Variants in NDC80 observed in about 807,000 individuals in gnomAD.
The protein encoded by NDC80 is kinetochore protein NDC80 homolog.
NDC80 carries 69 observed loss-of-function variants against 89.3 expected under a neutral mutation model. The observed-to-expected ratio is 0.77, with a 90% CI of 0.64 to 0.94. The LOEUF (loss-of-function observed/expected upper bound fraction) is 0.94, where lower values mean the gene tolerates loss of function less well. NDC80 is among the 40% of genes least tolerant of loss of function. NDC80 has a pLI of 0.00. For synonymous variants in NDC80, 243 were observed against 255.6 expected, an observed-to-expected ratio of 0.95 and a Z score of 0.47; for missense variants, 593 against 739.6, an observed-to-expected ratio of 0.80 and a Z score of 2.30.
At position 2,578,269 on chromosome 18, in the gene NDC80, G is replaced by A. The variant is rs965493607; in HGVS notation, c.476+128G>A. On this transcript the variant is annotated intron_variant, in intron 5 of 16. Transcript: ENST00000261597. Reference sequence around the variant, plus strand: ...AAGATGACCACTGTGGGCAATATATGTAGGATAAATTGAAGAGAAAAAAAG... The same window carrying A: ...AAGATGACCACTGTGGGCAATATATATAGGATAAATTGAAGAGAAAAAAAG... The A allele has an allele frequency of 7.0e-6, 6 of 854,284 alleles. No homozygotes were observed. The Admixed American group carries it at 1.1e-4, about 16-fold the overall frequency. 52.9% of individuals were successfully genotyped at this position (854,284 alleles called of 1,614,324 possible).
At chr18:2,577,178 A>G (rs2072550848) in intron 3 of NDC80, 1 of 151,400 alleles carries the variant, frequency 6.6e-6, no homozygotes, top group Non-Finnish European at 1.5e-5. Flanking sequence ...ATCAATCCTC[A>G]GAACTGCCCT....
intron 7 of NDC80, among the ~76,000 whole-genome samples, chr18:2,585,777 G>C (rs1262108099): frequency 6.6e-6 from 1 of 151,988 alleles, no homozygotes; most frequent in Non-Finnish European, 1.5e-5. Flanking sequence ...AAAATGGAAG[G>C]GGATTGGAAT....
chr18:2,600,993 A>G (rs932518738), intron 12 of NDC80, among the ~76,000 whole-genome samples: 1 of 152,236 alleles, frequency 6.6e-6, no homozygotes, highest in African/African-American at 2.4e-5. Context: ...ATACAGGCAG[A>G]GAATCCTAAG....
At chr18:2,611,079 A>G (rs1193104390) in intron 16 of NDC80, among the ~76,000 whole-genome samples, 1 of 117,258 alleles carries the variant, frequency 8.5e-6, no homozygotes, top group Non-Finnish European at 1.7e-5. Context: ...ACGGAGTTTC[A>G]CTCTCATCAC....
chr18:2,598,064 A>G (rs1401699514), intron 11 of NDC80, among the ~76,000 whole-genome samples: 1 of 151,186 alleles, frequency 6.6e-6, no homozygotes, highest in African/African-American at 2.5e-5. Flanking sequence ...GCCAACATTT[A>G]ATGTATAAGT....
At chr18:2,575,138 T>G in intron 3 of NDC80, 72 bp downstream of exon 3, 1 of 1,014,718 alleles carries the variant, frequency 9.9e-7, no homozygotes, top group Non-Finnish European at 1.5e-6. Flanking sequence ...AGAGAACAAA[T>G]ACATTAGATG....
In NDC80 at chr18:2,589,264, T is replaced by C; in HGVS notation, c.824T>C (p.Leu275Ser). Reference protein sequence around the residue: ...LESLEAKNRALNEQIARLEQE... With the variant: ...LESLEAKNRASNEQIARLEQE... ...TCATTAGAAGCAAAAAACAGAGCAT[T>C]GAATGAACAGATTGCAAGATTGGAA... The change falls in exon 9 of 17, where the codon TTG becomes TCG. Residue 275 changes from leucine (L) to serine (S), a missense_variant. Coordinates refer to ENST00000261597, the MANE Select transcript of NDC80 (RefSeq NM_006101.3). 6.2e-7 allele frequency: 1 copy of C among 1,613,880 alleles called. No homozygotes were observed. Among genetic ancestry groups the C allele is most frequent in the South Asian group, 1.1e-5 (1 of 91,070 alleles).
chr18:2,597,601 C>T (rs1380841637), intron 11 of NDC80, among the ~76,000 whole-genome samples: 5 of 151,992 alleles, frequency 3.3e-5, no homozygotes, highest in South Asian at 2.1e-4. Context: ...TGTGGTGGCA[C>T]CTGCCTGTAA....
rs971110006 is a variant in NDC80, at chr18:2,590,431, G to A, written c.1015+269G>A. 2.6e-5 allele frequency among the ~76,000 whole-genome samples: 4 copies of A among 152,276 alleles called. No homozygotes were observed. In the East Asian group the frequency reaches 7.7e-4, roughly 29 times the overall value. ...TGCATCCCTCCAAGGACTCAGGGAGGATCTATTCCTTGCCTCTTGCAGCTT... is the reference window on the plus strand; with the variant it reads ...TGCATCCCTCCAAGGACTCAGGGAGAATCTATTCCTTGCCTCTTGCAGCTT... On this transcript the variant is annotated intron_variant, in intron 10 of 16. Transcript: ENST00000261597.
chr18:2,584,560 G>A (rs1220360878), intron 6 of NDC80, among the ~76,000 whole-genome samples: 1 of 151,910 alleles, frequency 6.6e-6, no homozygotes, highest in Non-Finnish European at 1.5e-5. Flanking sequence ...CCATCTGAAT[G>A]TTTTGCTATA....
At chr18:2,586,037 A>G (rs1350325979) in intron 7 of NDC80, among the ~76,000 whole-genome samples, 1 of 152,206 alleles carries the variant, frequency 6.6e-6, no homozygotes, top group African/African-American at 2.4e-5. Flanking sequence ...GGAAACATTA[A>G]GATTATACAT....
At chr18:2,587,055 G>A (rs2072606117) in intron 7 of NDC80, among the ~76,000 whole-genome samples, 1 of 152,142 alleles carries the variant, frequency 6.6e-6, no homozygotes, top group Non-Finnish European at 1.5e-5. Flanking sequence ...TACCATCAGT[G>A]ATACACCTTT....
intron 3 of NDC80, among the ~76,000 whole-genome samples, chr18:2,577,509 T>C (rs552131550): frequency 7.6e-4 from 116 of 152,350 alleles, no homozygotes; most frequent in African/African-American, 2.6e-3. Context: ...CCACTGTGCC[T>C]GGCCAAGTGT....
At chr18:2,580,113 T>G (rs1193951465) in intron 6 of NDC80, among the ~76,000 whole-genome samples, 1 of 152,136 alleles carries the variant, frequency 6.6e-6, no homozygotes, top group African/African-American at 2.4e-5. Flanking sequence ...TTACTGATGG[T>G]TTTAATAGTT....
At chr18:2,578,884 A>G (rs377009165) in intron 5 of NDC80, 43 bp from the exon 6 acceptor site, 2 of 1,194,438 alleles carry the variant, frequency 1.7e-6, no homozygotes, top group Non-Finnish European at 2.3e-6. Context: ...TTACTAAATT[A>G]TAATAACATT....
At chr18:2,583,868 A>G (rs570848667) in intron 6 of NDC80, among the ~76,000 whole-genome samples, 1 of 152,170 alleles carries the variant, frequency 6.6e-6, no homozygotes, top group African/African-American at 2.4e-5. Flanking sequence ...GGCTGAGGAC[A>G]TTGTCTCCCT....
At chr18:2,612,992 G>A (rs12962207) in intron 16 of NDC80, among the ~76,000 whole-genome samples, 3 of 152,072 alleles carry the variant, frequency 2.0e-5, no homozygotes, top group Admixed American at 1.3e-4. Flanking sequence ...AAAACAGAGA[G>A]GGGGGTTTAG....
intron 11 of NDC80, among the ~76,000 whole-genome samples, chr18:2,596,214 T>A (rs11873970): frequency 0.051 from 7,761 of 152,054 alleles, 649 homozygotes; most frequent in African/African-American, 0.18. Context: ...AATTGGGAAG[T>A]ATAGGGAAGG....
At chr18:2,592,100 A>G (rs527452146) in intron 10 of NDC80, among the ~76,000 whole-genome samples, 48 of 152,292 alleles carry the variant, frequency 3.2e-4, no homozygotes, top group African/African-American at 1.2e-3. Context: ...TCTTGTCAGC[A>G]TATGATCAAG....
Sources: gnomAD v4.1 joint callset for allele counts (sites outside exome capture counted in the v4.1 genomes callset) on GRCh38, gnomAD v4.1.1 for gene constraint, MANE v1.5 for transcripts, NCBI Gene and HGNC (gene_info 2026-07-23, HGNC 2026-07-21) for gene names.